NPAS3: variants seen among roughly 807,000 people sequenced by gnomAD.
NPAS3 encodes neuronal PAS domain protein 3, also known as neuronal PAS domain-containing protein 3.
Under a neutral mutation model 73.1 loss-of-function variants are expected in NPAS3, and 14 were observed. That is an observed-to-expected ratio of 0.19 (90% confidence interval 0.13 to 0.30). NPAS3 has a LOEUF of 0.30. NPAS3 is among the 10% of genes least tolerant of loss of function. NPAS3 has a pLI of 1.00. For missense variants in NPAS3, 1,096 were observed against 1,250.0 expected (o/e 0.88, Z 1.86); for synonymous variants, 620 against 541.5 (o/e 1.14, Z -2.01).
intron 1 of NPAS3, among the ~76,000 whole-genome samples, chr14:33,053,035 A>T (rs1012407679): frequency 6.6e-6 from 1 of 152,194 alleles, no homozygotes; most frequent in Non-Finnish European, 1.5e-5. Context: ...GGCTGTTCAG[A>T]GATGGATTGC....
intron 6 of NPAS3, among the ~76,000 whole-genome samples, chr14:33,715,147 G>A (rs2140513334): frequency 6.6e-6 from 1 of 152,298 alleles, no homozygotes; most frequent in East Asian, 1.9e-4. Flanking sequence ...GACTATAATA[G>A]GGACCTGTGA....
At chr14:33,684,641 A>G (rs1421497638) in intron 6 of NPAS3, among the ~76,000 whole-genome samples, 1 of 152,088 alleles carries the variant, frequency 6.6e-6, no homozygotes, top group Non-Finnish European at 1.5e-5. Flanking sequence ...CACAGTGATC[A>G]GTAAGTAAGT....
chr14:33,763,414 G>A (rs1215304461), intron 7 of NPAS3, among the ~76,000 whole-genome samples: 5 of 152,216 alleles, frequency 3.3e-5, no homozygotes, highest in Admixed American at 2.6e-4. Flanking sequence ...TCTGTGCCTA[G>A]CAAAGAGTGT....
intron 4 of NPAS3, among the ~76,000 whole-genome samples, chr14:33,466,656 G>A (rs1348188773): frequency 1.3e-5 from 2 of 152,164 alleles, no homozygotes; most frequent in African/African-American, 2.4e-5. Flanking sequence ...TCCTGGGGAG[G>A]CCTCAGGAAA....
chr14:33,326,490 G>A (rs1000571865), intron 3 of NPAS3, among the ~76,000 whole-genome samples: 5 of 152,144 alleles, frequency 3.3e-5, no homozygotes, highest in Non-Finnish European at 7.3e-5. Context: ...GAGAAATGGG[G>A]ACCAATAAAG....
In NPAS3 at chr14:33,486,174, A is replaced by G. The variant is rs982608614; in HGVS notation, c.469-73947A>G. On this transcript the variant is annotated intron_variant, in intron 4 of 11. Coordinates refer to ENST00000356141, the Ensembl canonical transcript of NPAS3. ...TTTTTTTTTTAATTCTCACAAAGTC[A>G]TGTATGGACTGGCTGCTGTTCTGGT... is the stretch of plus-strand genomic sequence containing the variant. Among the ~76,000 whole-genome samples the G allele has an allele frequency of 1.9e-4, 29 of 151,540 alleles. 1 individual carries two copies. Among genetic ancestry groups the G allele is most frequent in the African/African-American group, 6.1e-4 (25 of 41,188 alleles).
intron 1 of NPAS3, among the ~76,000 whole-genome samples, chr14:33,039,074 C>G (rs1046581797): frequency 6.6e-6 from 1 of 152,240 alleles, no homozygotes; most frequent in Non-Finnish European, 1.5e-5. Flanking sequence ...CCCATGAAGC[C>G]ACGACCAAGA....
chr14:33,553,365 T>C (rs1164321073), intron 4 of NPAS3, among the ~76,000 whole-genome samples: 1 of 152,210 alleles, frequency 6.6e-6, no homozygotes, highest in Admixed American at 6.5e-5. Context: ...TGCCTCTTTA[T>C]TCTGCTGCCT....
chr14:33,467,934 A>G (rs946328836), intron 4 of NPAS3, among the ~76,000 whole-genome samples: 2 of 152,146 alleles, frequency 1.3e-5, no homozygotes, highest in Non-Finnish European at 2.9e-5. Flanking sequence ...CCAGAGATGG[A>G]TAGCGCGAGC....
intron 1 of NPAS3, among the ~76,000 whole-genome samples, chr14:32,959,659 T>C (rs1490358963): frequency 6.6e-6 from 1 of 152,220 alleles, no homozygotes; most frequent in Non-Finnish European, 1.5e-5. Context: ...CACTTTCACG[T>C]AGCTGCATGA....
intron 4 of NPAS3, among the ~76,000 whole-genome samples, chr14:33,541,354 C>T (rs1244394932): frequency 6.6e-6 from 1 of 152,136 alleles, no homozygotes; most frequent in Non-Finnish European, 1.5e-5. Flanking sequence ...ATTCATGATG[C>T]TAAATCATTT....
At chr14:32,976,264 C>G (rs1482990566) in intron 1 of NPAS3, among the ~76,000 whole-genome samples, 1 of 152,138 alleles carries the variant, frequency 6.6e-6, no homozygotes, top group African/African-American at 2.4e-5. Flanking sequence ...CGCACTAGGC[C>G]TCAGTGTGTC....
At chr14:33,080,941 A>G (rs1037020041) in intron 2 of NPAS3, among the ~76,000 whole-genome samples, 1 of 152,176 alleles carries the variant, frequency 6.6e-6, no homozygotes, top group Non-Finnish European at 1.5e-5. Context: ...TATTTCCTGA[A>G]GTGTTTCCCA....
At chr14:33,767,495 G>A (rs1432663383) in intron 7 of NPAS3, among the ~76,000 whole-genome samples, 1 of 151,854 alleles carries the variant, frequency 6.6e-6, no homozygotes, top group Non-Finnish European at 1.5e-5. Context: ...AAAAGAAAAG[G>A]GACCAGAGTG....
At chr14:33,200,344 T>C (rs1485144319) in intron 2 of NPAS3, among the ~76,000 whole-genome samples, 1 of 152,100 alleles carries the variant, frequency 6.6e-6, no homozygotes, top group Non-Finnish European at 1.5e-5. Flanking sequence ...TTATAGTAAA[T>C]TTATAAAACA....
rs138631947 is a variant in NPAS3, at chr14:33,499,449, C to T, written c.469-60672C>T. Among the ~76,000 whole-genome samples the T allele has an allele frequency of 7.6e-4, 116 of 151,872 alleles. 3 individuals carry two copies. The East Asian group carries it at 0.021, about 28-fold the overall frequency. On this transcript the variant is annotated intron_variant, in intron 4 of 11. Transcript: ENST00000356141. Reference sequence around the variant, plus strand: ...CCCACAGTGCTTAAAGATATCATTTCCTTAGAAATGATATCTTGGCAAAAG... The same window carrying T: ...CCCACAGTGCTTAAAGATATCATTTTCTTAGAAATGATATCTTGGCAAAAG...
chr14:33,761,556 G>A (rs929804975), intron 7 of NPAS3, among the ~76,000 whole-genome samples: 4 of 151,960 alleles, frequency 2.6e-5, no homozygotes, highest in African/African-American at 9.7e-5. Context: ...GGGGGTTTCA[G>A]GAGAAATCTT....
intron 10 of NPAS3, among the ~76,000 whole-genome samples, chr14:33,796,711 C>T (rs1445625648): frequency 1.3e-5 from 2 of 152,202 alleles, no homozygotes; most frequent in Non-Finnish European, 1.5e-5. Flanking sequence ...ACTGACTCAA[C>T]ATGCTCTCTC....
At chr14:33,317,236 A>C (rs182967514) in intron 3 of NPAS3, among the ~76,000 whole-genome samples, 155 of 152,214 alleles carry the variant, frequency 1.0e-3, no homozygotes, top group South Asian at 5.6e-3. Flanking sequence ...TCCATGGCAG[A>C]AGTATTTCAT....
Sources: allele counts gnomAD v4.1 joint callset (sites outside exome capture counted in the v4.1 genomes callset), GRCh38; gene constraint gnomAD v4.1.1; transcripts MANE v1.5; gene names NCBI Gene and HGNC (gene_info 2026-07-23, HGNC 2026-07-21).